DDX4: variants seen among roughly 807,000 people sequenced by gnomAD.
DDX4 encodes probable ATP-dependent RNA helicase DDX4.
DDX4 carries 25 observed loss-of-function variants against 100.0 expected under a neutral mutation model. That is an observed-to-expected ratio of 0.25 (90% CI 0.18 to 0.35). The LOEUF (loss-of-function observed/expected upper bound fraction) is 0.35. DDX4 is among the 10% of genes least tolerant of loss of function. The probability of loss-of-function intolerance (pLI) is 1.00; values close to 1 mark genes in which losing one functional copy is unlikely to be tolerated. For missense variants in DDX4, 635 were observed against 882.4 expected, an observed-to-expected ratio of 0.72 and a Z score of 3.55; for synonymous variants, 259 against 275.7, an observed-to-expected ratio of 0.94 and a Z score of 0.60.
intron 2 of DDX4, among the ~76,000 whole-genome samples, chr5:55,741,173 T>C (rs1758961773): frequency 6.6e-6 from 1 of 152,210 alleles, no homozygotes; most frequent in Admixed American, 6.5e-5. Context: ...CACTGCACTA[T>C]AGCGTGTTGT....
chr5:55,814,896 T>TC lies in DDX4; in HGVS notation c.1716-4dup. 1 of 1,604,558 alleles carries TC rather than the reference T, an allele frequency of 6.2e-7. No individual in the cohort carries two copies. Among genetic ancestry groups the TC allele is most frequent in the Non-Finnish European group, 8.5e-7 (1 of 1,174,630 alleles). ...TTCTAATAACATGCTTTCTTTTCTT[T>TC]CAAGTGATCGGGAACAGAGAGAGCG... On this transcript the variant is annotated splice_region_variant and splice_polypyrimidine_tract_variant and intron_variant, in intron 19 of 21. Coordinates refer to ENST00000505374, the MANE Select transcript of DDX4 (RefSeq NM_024415.3).
Position 55,746,169 on chromosome 5 carries a change from G to A in DDX4, c.75G>A (p.Arg25=), listed in dbSNP as rs1263346262. The A allele has an allele frequency of 1.2e-6, 2 of 1,611,368 alleles. No homozygotes were observed. Among genetic ancestry groups the A allele is most frequent in the East Asian group, 4.5e-5 (2 of 44,766 alleles). The part of the protein sequence containing the change: ...SSYVPIFEKD[R]YSGENGDNFN... The stretch of plus-strand genomic sequence containing the variant: ...TTCTTTCTTCTTTCTCACAGGATAG[G>A]TATTCTGGAGAAAATGGAGACAATT... Residue 25 remains arginine (R), a synonymous_variant, in exon 3 of 22, where the codon AGG becomes AGA. Coordinates refer to ENST00000505374, the MANE Select transcript of DDX4 (RefSeq NM_024415.3).
intron 2 of DDX4, among the ~76,000 whole-genome samples, chr5:55,742,890 G>T (rs1230151321): frequency 6.6e-6 from 1 of 152,106 alleles, no homozygotes; most frequent in Non-Finnish European, 1.5e-5. Flanking sequence ...AGACTGGTGT[G>T]GGGTGGATTT....
intron 6 of DDX4, among the ~76,000 whole-genome samples, chr5:55,765,395 T>TAAAAAAA (rs57279452): frequency 1.1e-5 from 1 of 87,606 alleles, no homozygotes; most frequent in African/African-American, 4.5e-5. Flanking sequence ...TTAGTTCCCC[T>TAAAAAAA]AAAAAAAAAA....
intron 7 of DDX4, among the ~76,000 whole-genome samples, chr5:55,775,845 G>T (rs1741528224): frequency 6.6e-6 from 1 of 152,168 alleles, no homozygotes; most frequent in African/African-American, 2.4e-5. Flanking sequence ...TGTTGGCCGG[G>T]CGCAGTGGCT....
At position 55,804,289 on chromosome 5, in the gene DDX4, G is replaced by C. The variant is rs1195408609; in HGVS notation, c.1615+5718G>C. ...TTGTAGGTTGCCTGTTCACTCTGAT[G>C]GTAGTTTCTTTTGCTGTGCAGAAGC... On this transcript the variant is annotated intron_variant, in intron 18 of 21. Coordinates refer to ENST00000505374, the MANE Select transcript of DDX4 (RefSeq NM_024415.3). Among the ~76,000 whole-genome samples the C allele has an allele frequency of 1.8e-3, 269 of 151,976 alleles. 1 individual carries two copies. The highest frequency in any genetic ancestry group is 6.2e-3 in the African/African-American group (256 of 41,466).
At chr5:55,806,841 C>G (rs1743757626) in intron 18 of DDX4, among the ~76,000 whole-genome samples, 1 of 152,132 alleles carries the variant, frequency 6.6e-6, no homozygotes, top group African/African-American at 2.4e-5. Flanking sequence ...TCTGTTAGGT[C>G]CACTTGGTGC....
Position 55,781,930 on chromosome 5 carries a change from A to C in DDX4, c.578-4A>C, listed in dbSNP as rs754658881. 1.2e-6 allele frequency: 2 copies of C among 1,614,010 alleles called. No individual in the cohort carries two copies. The highest frequency in any genetic ancestry group is 2.2e-5 in the South Asian group (2 of 91,044). On this transcript the variant is annotated splice_polypyrimidine_tract_variant and splice_region_variant and intron_variant, in intron 9 of 21. Coordinates refer to ENST00000505374, the MANE Select transcript of DDX4 (RefSeq NM_024415.3). Reference sequence around the variant, plus strand: ...TAAATATGTTGTGAAACAATGCCTTACAGGTAATGGTGATACTTCTCAAAG... The same window carrying C: ...TAAATATGTTGTGAAACAATGCCTTCCAGGTAATGGTGATACTTCTCAAAG...
chr5:55,756,975 T>C (rs1759979328), intron 3 of DDX4, among the ~76,000 whole-genome samples: 1 of 152,168 alleles, frequency 6.6e-6, no homozygotes, highest in South Asian at 2.1e-4. Flanking sequence ...CATTTACATG[T>C]GAAAGTACTG....
At chr5:55,754,755 T>C (rs1480337165) in intron 3 of DDX4, among the ~76,000 whole-genome samples, 3 of 150,708 alleles carry the variant, frequency 2.0e-5, no homozygotes, top group South Asian at 4.2e-4. Context: ...ATGGTACCAG[T>C]TCCTCCTTGT....
chr5:55,781,204 G>T, intron 9 of DDX4, 58 bp downstream of exon 9: 1 of 1,381,650 alleles, frequency 7.2e-7, no homozygotes, highest in Non-Finnish European at 1.0e-6. Flanking sequence ...TTAGCACTAG[G>T]ATTAGTAAAC....
intron 18 of DDX4, among the ~76,000 whole-genome samples, chr5:55,810,882 G>T (rs1342224858): frequency 6.6e-6 from 1 of 151,994 alleles, no homozygotes; most frequent in African/African-American, 2.4e-5. Context: ...AAAACTATTT[G>T]GTTATCAATT....
chr5:55,763,918 G>T (rs949405698), intron 5 of DDX4, 96 bp from the exon 6 acceptor site: 1 of 820,224 alleles, frequency 1.2e-6, no homozygotes, highest in African/African-American at 1.7e-5. Context: ...ATTGTGTATC[G>T]CTTATCTTAG....
chr5:55,785,226 C>T, intron 10 of DDX4, 71 bp from the exon 11 acceptor site: 2 of 1,038,992 alleles, frequency 1.9e-6, no homozygotes, highest in Middle Eastern at 2.4e-4. Flanking sequence ...TCTTTGAAGA[C>T]AAGCAACGAA....
intron 18 of DDX4, among the ~76,000 whole-genome samples, chr5:55,805,648 C>T (rs1355753093): frequency 6.6e-6 from 1 of 152,190 alleles, no homozygotes; most frequent in Admixed American, 6.5e-5. Context: ...ATACATTGAA[C>T]CAGCCTTGCA....
rs115081242 is a variant in DDX4, at chr5:55,789,394, T to C, written c.1173-1182T>C. The stretch of plus-strand genomic sequence containing the variant: ...TTGTAAACGAGATGTCAACCAATTC[T>C]GGTTTTATTGTCAACCAGACAAGAT... On this transcript the variant is annotated intron_variant, in intron 15 of 21. Transcript: ENST00000505374. 2.1e-3 allele frequency among the ~76,000 whole-genome samples: 318 copies of C among 152,358 alleles called. 1 individual carries two copies. Among genetic ancestry groups the C allele is most frequent in the African/African-American group, 7.3e-3 (305 of 41,584 alleles).
At chr5:55,746,733 C>G (rs1759268625) in intron 3 of DDX4, among the ~76,000 whole-genome samples, 1 of 152,114 alleles carries the variant, frequency 6.6e-6, no homozygotes, top group African/African-American at 2.4e-5. Context: ...GCGCCCTCCT[C>G]CCAACCCCAC....
At chr5:55,738,130 G>C (rs908672568) in intron 1 of DDX4, 29 bp downstream of exon 1, 1 of 152,342 alleles carries the variant, frequency 6.6e-6, no homozygotes, top group Non-Finnish European at 1.5e-5. Context: ...TACGGGAACT[G>C]GCCTGAACTC....
In DDX4 at chr5:55,815,007, A is replaced by G. The variant is rs1295505745; in HGVS notation, c.1822A>G (p.Asn608Asp). Residue 608 changes from asparagine (N) to aspartate (D), a missense_variant, in exon 20 of 22, where the codon AAT becomes GAT. This residue lies in a region of DDX4 where 115 missense variants were observed against 224.7 expected (regional missense o/e 0.51). Transcript: ENST00000505374. Reference sequence around the variant, plus strand: ...AGCTGCCAGAGGGCTGGATATTGAAAATGTGCAACATGTTATCAATTTTGA... The same window carrying G: ...AGCTGCCAGAGGGCTGGATATTGAAGATGTGCAACATGTTATCAATTTTGA... ...SVAARGLDIE[N>D]VQHVINFDLP... is the part of the protein sequence containing the mutation. The G allele has an allele frequency of 4.3e-6, 7 of 1,614,128 alleles. No homozygotes were observed. In the South Asian group the frequency reaches 6.6e-5, roughly 15 times the overall value.
Sources: allele counts gnomAD v4.1 joint callset (sites outside exome capture counted in the v4.1 genomes callset), GRCh38; gene constraint gnomAD v4.1.1; regional missense constraint gnomAD v4.1.1; transcripts MANE v1.5; gene names NCBI Gene and HGNC (gene_info 2026-07-23, HGNC 2026-07-21).